CUL4A: variants seen among roughly 807,000 people sequenced by gnomAD.
CUL4A encodes the protein cullin 4A.
CUL4A carries 16 observed loss-of-function variants against 95.5 expected under a neutral mutation model. That is an observed-to-expected ratio of 0.17 (90% CI 0.11 to 0.25). The LOEUF (loss-of-function observed/expected upper bound fraction) is 0.25. Ranked by LOEUF, CUL4A falls within the 10% of genes least tolerant of loss-of-function variation. The probability of loss-of-function intolerance (pLI) is 1.00; values close to 1 mark genes in which losing one functional copy is unlikely to be tolerated. For synonymous variants in CUL4A, 380 were observed against 353.1 expected, an observed-to-expected ratio of 1.08 and a Z score of -0.85; for missense variants, 610 against 937.0, an observed-to-expected ratio of 0.65 and a Z score of 4.56.
At chr13:113,224,476 A>G (rs998662818) in intron 3 of CUL4A, among the ~76,000 whole-genome samples, 1 of 152,210 alleles carries the variant, frequency 6.6e-6, no homozygotes, top group Non-Finnish European at 1.5e-5. Context: ...CAGCCACAGA[A>G]TGCCAGGCAG....
chr13:113,221,054 C>G (rs2040879116), intron 3 of CUL4A, among the ~76,000 whole-genome samples: 2 of 152,228 alleles, frequency 1.3e-5, no homozygotes, highest in African/African-American at 2.4e-5. Flanking sequence ...GGGGCAGAGC[C>G]TCCCAGAGGA....
chr13:113,237,418 C>T (rs146510912), intron 9 of CUL4A, among the ~76,000 whole-genome samples: 4 of 152,332 alleles, frequency 2.6e-5, no homozygotes, highest in Admixed American at 6.5e-5. Context: ...GTGCTGACGG[C>T]GCGGCCTTCA....
At chr13:113,233,609 CAG>C (rs1161611102) in intron 6 of CUL4A, among the ~76,000 whole-genome samples, 1 of 151,938 alleles carries the variant, frequency 6.6e-6, no homozygotes, top group Non-Finnish European at 1.5e-5. Context: ...AAAATATAAA[CAG>C]AGACAAAGCC....
At chr13:113,250,422 A>T (rs773639001) in intron 15 of CUL4A, among the ~76,000 whole-genome samples, 1 of 152,180 alleles carries the variant, frequency 6.6e-6, no homozygotes. Flanking sequence ...GCTGTACTCC[A>T]TCCTGGGCAA....
intron 15 of CUL4A, among the ~76,000 whole-genome samples, chr13:113,250,844 T>C (rs3861719): frequency 0.97 from 147,561 of 152,144 alleles, 71,703 homozygotes; most frequent in East Asian, 1. Context: ...GATGATATCG[T>C]GCCTGGGATT....
At chr13:113,246,545 A>C (rs1017295484) in intron 15 of CUL4A, among the ~76,000 whole-genome samples, 2 of 152,208 alleles carry the variant, frequency 1.3e-5, no homozygotes, top group Non-Finnish European at 2.9e-5. Context: ...ATTTAATACC[A>C]GGCGAAGGGA....
At chr13:113,249,680 G>A (rs1351966695) in intron 15 of CUL4A, among the ~76,000 whole-genome samples, 1 of 152,226 alleles carries the variant, frequency 6.6e-6, no homozygotes, top group Admixed American at 6.5e-5. Context: ...GGAATTGCCG[G>A]ACTGTTTCCC....
chr13:113,244,562 CAG>C, intron 12 of CUL4A, 48 bp downstream of exon 12: 1 of 1,355,020 alleles, frequency 7.4e-7, no homozygotes, highest in Non-Finnish European at 1.0e-6. Context: ...GAGGTGTAAA[CAG>C]GCCCTGCTTT....
At position 113,235,111 on chromosome 13, in the gene CUL4A, G is replaced by A. The variant is rs1164879370; in HGVS notation, c.814G>A (p.Asp272Asn). The A allele has an allele frequency of 5.6e-6, 9 of 1,613,702 alleles. No homozygotes were observed. Among genetic ancestry groups the A allele is most frequent in the Non-Finnish European group, 6.8e-6 (8 of 1,179,622 alleles). ...AAGTAAACGCTTAGAGGAAGAGGGA[G>A]ACAGAGTAATCACTTACTTGGACCA... is the stretch of plus-strand genomic sequence containing the variant. Reference protein sequence around the residue: ...HVSKRLEEEGDRVITYLDHST... With the variant: ...HVSKRLEEEGNRVITYLDHST... The change falls in exon 8 of 20, where the codon GAC becomes AAC. Residue 272 changes from aspartate to asparagine, a missense_variant. Coordinates refer to ENST00000375440, the MANE Select transcript of CUL4A (RefSeq NM_001008895.4).
At chr13:113,237,669 T>A (rs538578933) in intron 9 of CUL4A, among the ~76,000 whole-genome samples, 1 of 152,356 alleles carries the variant, frequency 6.6e-6, no homozygotes. Context: ...CTTCTGAAAG[T>A]CATTTTAAAT....
upstream of CUL4A, chr13:113,208,228 C>T: frequency 2.7e-6 from 4 of 1,506,828 alleles, no homozygotes; most frequent in Non-Finnish European, 3.5e-6. Flanking sequence ...CAGCGTCCAT[C>T]CGACACAGCA....
chr13:113,218,680 G>A (rs564468011), intron 2 of CUL4A, among the ~76,000 whole-genome samples: 11 of 152,254 alleles, frequency 7.2e-5, no homozygotes, highest in Admixed American at 5.2e-4. Flanking sequence ...CAGCTGCCTG[G>A]GACCCGAGGT....
chr13:113,229,672 A>G (rs745618204), intron 5 of CUL4A, 153 bp downstream of exon 5: 3 of 644,430 alleles, frequency 4.7e-6, no homozygotes, highest in Non-Finnish European at 8.1e-6. Context: ...GTAGGAGTCC[A>G]GGTGGGTCTT....
chr13:113,254,719 C>T lies in CUL4A; in HGVS notation c.1779C>T (p.Leu593=), dbSNP rs1424489373. ...KEGKKEFQVS[L]FQTLVLLMFN... is the part of the protein sequence containing the mutation. ...GGAAGAAGGAATTCCAGGTGTCCCT[C>T]TTCCAGACACTGGTGCTCCTCATGT... Residue 593 remains leucine (L), a synonymous_variant, in exon 17 of 20, where the codon CTC becomes CTT. Coordinates refer to ENST00000375440, the MANE Select transcript of CUL4A (RefSeq NM_001008895.4). 24 of 1,612,636 alleles carry T rather than the reference C, an allele frequency of 1.5e-5. No individual in the cohort carries two copies. Among genetic ancestry groups the T allele is most frequent in the East Asian group, 2.2e-5 (1 of 44,878 alleles).
intron 3 of CUL4A, among the ~76,000 whole-genome samples, chr13:113,224,358 A>C (rs552703704): frequency 1.1e-4 from 17 of 152,284 alleles, no homozygotes; most frequent in Admixed American, 1.0e-3. Flanking sequence ...ATCTCAAAAA[A>C]AAAAAAATGT....
At chr13:113,209,038 A>AGGAGGG (rs577921206), upstream of CUL4A, 799 of 354,446 alleles carry the variant, frequency 2.3e-3, 10 homozygotes, top group African/African-American at 0.019. Context: ...CGCGCGCCCG[A>AGGAGGG]GGAGGGGGAG....
At chr13:113,245,570 A>G (rs1296776808) in intron 14 of CUL4A, among the ~76,000 whole-genome samples, 1 of 152,218 alleles carries the variant, frequency 6.6e-6, no homozygotes, top group African/African-American at 2.4e-5. Flanking sequence ...ATAGATAGAT[A>G]ATACATAGAC....
intron 2 of CUL4A, among the ~76,000 whole-genome samples, chr13:113,212,034 T>C (rs2040467708): frequency 6.6e-6 from 1 of 152,214 alleles, no homozygotes; most frequent in African/African-American, 2.4e-5. Context: ...TGGAGTGTCA[T>C]TGTAGTTTTA....
chr13:113,258,147 G>C (rs982813995), intron 18 of CUL4A, among the ~76,000 whole-genome samples: 1 of 151,854 alleles, frequency 6.6e-6, no homozygotes, highest in Non-Finnish European at 1.5e-5. Context: ...ATGCCACCAC[G>C]CCCAGCTAAA....
Sources: gnomAD v4.1 joint callset for allele counts (sites outside exome capture counted in the v4.1 genomes callset) on GRCh38, gnomAD v4.1.1 for gene constraint, MANE v1.5 for transcripts, NCBI Gene and HGNC (gene_info 2026-07-23, HGNC 2026-07-21) for gene names.